FAM20A: variants seen among roughly 807,000 people sequenced by gnomAD.
FAM20A encodes the protein pseudokinase FAM20A.
In FAM20A, 42 loss-of-function variants were observed where a neutral mutation model predicts 52.0. The ratio of observed to expected loss-of-function variants is 0.81; its 90% CI spans 0.63 to 1.04. FAM20A has a LOEUF of 1.04. Among genes scored for constraint, FAM20A ranks in the 50% least tolerant of loss-of-function variants. FAM20A has a pLI of 0.00. For synonymous variants in FAM20A, 304 were observed against 298.9 expected, an observed-to-expected ratio of 1.02 and a Z score of -0.18; for missense variants, 742 against 712.7, an observed-to-expected ratio of 1.04 and a Z score of -0.47.
Position 68,540,897 on chromosome 17 carries a change from G to A in FAM20A, c.1171C>T (p.Gln391Ter), listed in dbSNP as rs1335180172. 1.2e-6 allele frequency: 2 copies of A among 1,605,530 alleles called. No individual in the cohort carries two copies. Among genetic ancestry groups the A allele is most frequent in the Non-Finnish European group, 1.7e-6 (2 of 1,176,218 alleles). Residue 391 changes from glutamine (Q) to a stop codon, truncating the protein, a stop_gained, in exon 8 of 11, where the codon CAG becomes TAG. Coordinates refer to ENST00000592554, the MANE Select transcript of FAM20A (RefSeq NM_017565.4). LOFTEE classifies it high-confidence loss of function. ...ATGTCGATGACATTGAGGAGCCGCTGGCTGTTGTTGTACGGGTAGATCTGT... is the reference window on the plus strand; with the variant it reads ...ATGTCGATGACATTGAGGAGCCGCTAGCTGTTGTTGTACGGGTAGATCTGT... ...VKQIYPYNNS[Q>*]RLLNVIDMAI... is the part of the protein sequence containing the mutation.
At chr17:68,567,927 C>T (rs1159324143) in intron 1 of FAM20A, among the ~76,000 whole-genome samples, 1 of 151,960 alleles carries the variant, frequency 6.6e-6, no homozygotes, top group African/African-American at 2.4e-5. Flanking sequence ...GCTTCTCCTT[C>T]ACCTCCCGCC....
At chr17:68,564,136 T>C (rs2087304244) in intron 1 of FAM20A, among the ~76,000 whole-genome samples, 3 of 128,654 alleles carry the variant, frequency 2.3e-5, no homozygotes, top group Admixed American at 7.3e-5. Context: ...CGATGTCTCA[T>C]GTGATCCTGC....
chr17:68,599,884 C>T (rs1250507716), intron 1 of FAM20A, among the ~76,000 whole-genome samples: 1 of 152,186 alleles, frequency 6.6e-6, no homozygotes, highest in Admixed American at 6.5e-5. Flanking sequence ...AACCCGAAGT[C>T]CAGCGGCAGC....
chr17:68,560,035 C>T (rs1249540642), intron 1 of FAM20A, among the ~76,000 whole-genome samples: 1 of 152,082 alleles, frequency 6.6e-6, no homozygotes, highest in Non-Finnish European at 1.5e-5. Context: ...GGAAGTGGGG[C>T]CTTTGGGAGG....
At chr17:68,575,167 C>T (rs1377147892) in intron 1 of FAM20A, 1 of 151,860 alleles carries the variant, frequency 6.6e-6, no homozygotes. Flanking sequence ...TGAGCTTGGA[C>T]TTCTGGCCTC....
chr17:68,555,097 A>T (rs112370710), intron 2 of FAM20A, among the ~76,000 whole-genome samples: 3 of 152,162 alleles, frequency 2.0e-5, no homozygotes, highest in African/African-American at 7.2e-5. Context: ...CTCTGCTAAT[A>T]ATTTGCTGTG....
chr17:68,543,625 C>G lies in FAM20A; in HGVS notation c.812+4G>C, dbSNP rs1452276380. 5 of 1,613,826 alleles carry G rather than the reference C, an allele frequency of 3.1e-6. No homozygotes were observed. The Admixed American group carries it at 8.3e-5, about 27-fold the overall frequency. On this transcript the variant is annotated splice_donor_region_variant and intron_variant, in intron 5 of 10. Transcript: ENST00000592554. ...AATGCCATCTCCATGGGGCCAGACC[C>G]TACCTGTCCAGATGGAAAGCTGCGA...
chr17:68,540,649 T>G, intron 8 of FAM20A, 200 bp downstream of exon 8: 1 of 709,676 alleles, frequency 1.4e-6, no homozygotes, highest in Non-Finnish European at 2.5e-6. Flanking sequence ...GACGACCCCT[T>G]GAGCTTCTTC....
In FAM20A at chr17:68,535,454, C is replaced by T; in HGVS notation, c.*2023G>A. The stretch of plus-strand genomic sequence containing the variant: ...TTTCCTGAGAGTCTTATTTGGAAGT[C>T]CCAAACCATTTTGTGCTATTCTTTG... On this transcript the variant is annotated 3_prime_UTR_variant, in exon 11 of 11. Coordinates refer to ENST00000592554, the MANE Select transcript of FAM20A (RefSeq NM_017565.4). 2.2e-6 allele frequency: 1 copy of T among 453,978 alleles called. No homozygotes were observed. Among genetic ancestry groups the T allele is most frequent in the Non-Finnish European group, 4.4e-6 (1 of 226,762 alleles). 28.1% of individuals were successfully genotyped at this position (453,978 alleles called of 1,614,324 possible).
chr17:68,553,391 A>C (rs1198316814), intron 3 of FAM20A, among the ~76,000 whole-genome samples: 1 of 152,252 alleles, frequency 6.6e-6, no homozygotes, highest in East Asian at 1.9e-4. Flanking sequence ...GTAAAAATGG[A>C]CTAATACATT....
rs35495396 is a variant in FAM20A, at chr17:68,554,746, G to A, written c.640+31C>T. 0.17 allele frequency: 270,703 copies of A among 1,606,772 alleles called. 23,640 individuals are homozygous for A. Among genetic ancestry groups the A allele is most frequent in the South Asian group, 0.19 (17,242 of 90,686 alleles). ...GTTTGCACAGCTGTGAGGGTGAAGA[G>A]GCTGGGTGGGGGTGGGGCTAGGTCA... On this transcript the variant is annotated intron_variant, in intron 3 of 10. Coordinates refer to ENST00000592554, the MANE Select transcript of FAM20A (RefSeq NM_017565.4).
chr17:68,560,352 A>G (rs2087177111), intron 1 of FAM20A, among the ~76,000 whole-genome samples: 1 of 151,978 alleles, frequency 6.6e-6, no homozygotes, highest in Non-Finnish European at 1.5e-5. Context: ...TCAAAAAAAA[A>G]AAAAAAAAGA....
rs2088575446 is a variant in FAM20A at position 68,600,231 on chromosome 17, C to G, written c.404+32G>C. On this transcript the variant is annotated intron_variant, in intron 1 of 10. Coordinates refer to ENST00000592554, the MANE Select transcript of FAM20A (RefSeq NM_017565.4). This position sits in a 1 kb window ranked among gnomAD's most constrained non-coding sequence, Gnocchi z 6.2. Reference sequence around the variant, plus strand: ...CGCGGGGAGGCCCCGGCCAGAGCGCCCGCTCTCCCGCGTCCCGGGCGGGGT... The same window carrying G: ...CGCGGGGAGGCCCCGGCCAGAGCGCGCGCTCTCCCGCGTCCCGGGCGGGGT... 1.9e-6 allele frequency: 3 copies of G among 1,548,224 alleles called. No homozygotes were observed. The East Asian group carries it at 7.3e-5, about 38-fold the overall frequency.
chr17:68,578,561 G>A (rs936976445), intron 1 of FAM20A, among the ~76,000 whole-genome samples: 1 of 151,960 alleles, frequency 6.6e-6, no homozygotes, highest in Admixed American at 6.6e-5. Flanking sequence ...TTGTTCTTCC[G>A]GAATTTTACC....
rs114058929 is a variant in FAM20A, at chr17:68,566,529, A to G, written c.405-10786T>C. On this transcript the variant is annotated intron_variant, in intron 1 of 10. Coordinates refer to ENST00000592554, the MANE Select transcript of FAM20A (RefSeq NM_017565.4). ...TTCGCTCCAAGTTGTGTACAAAGAA[A>G]ACTTTCTAAATAAAGGAACTCCCCA... is the stretch of plus-strand genomic sequence containing the variant. Among the ~76,000 whole-genome samples, 1,124 of 152,302 alleles carry G rather than the reference A, an allele frequency of 7.4e-3. 13 individuals are homozygous for G. Among genetic ancestry groups the G allele is most frequent in the African/African-American group, 0.026 (1,080 of 41,550 alleles).
chr17:68,536,368 C>T lies in FAM20A; in HGVS notation c.*1109G>A, dbSNP rs775538353. The T allele has an allele frequency of 2.9e-5, 13 of 453,862 alleles. No homozygotes were observed. Among genetic ancestry groups the T allele is most frequent in the Admixed American group, 9.4e-5 (4 of 42,542 alleles). The allele number at this position is 453,862 out of a possible 1,614,324, so 28.1% of individuals were successfully genotyped here. ...AAGACCTTACTGTCCTTTGTGTTTT[C>T]GGTCATTAATTATGGAATAAGAAAC... is the stretch of plus-strand genomic sequence containing the variant. On this transcript the variant is annotated 3_prime_UTR_variant, in exon 11 of 11. Coordinates refer to ENST00000592554, the MANE Select transcript of FAM20A (RefSeq NM_017565.4).
intron 7 of FAM20A, 170 bp from the exon 8 acceptor site, chr17:68,541,128 T>G (rs988741175): frequency 1.1e-5 from 10 of 913,496 alleles, no homozygotes; most frequent in Non-Finnish European, 1.6e-5. Context: ...TAAGGCTGCA[T>G]ATTCCGTGTG....
rs930531234 is a variant in FAM20A, at chr17:68,600,302, G to A, written c.365C>T (p.Ala122Val). The change falls in exon 1 of 11, where the codon GCG becomes GTG. Residue 122 changes from alanine (A) to valine (V), a missense_variant. Ala to Val is a moderately conservative substitution (Grantham distance 64). Coordinates refer to ENST00000592554, the MANE Select transcript of FAM20A (RefSeq NM_017565.4). The surrounding 1 kb of genome is among the most constrained non-coding windows in gnomAD (Gnocchi z 6.2). ...AEDSLLASQE[A>V]LRYYRRKVAR... is the part of the protein sequence containing the mutation. ...CACCTTCCTCCGGTAATACCGCAGC[G>A]CCTCCTGGCTGGCCAGGAGCGAGTC... 5.1e-6 allele frequency: 8 copies of A among 1,582,328 alleles called. No homozygotes were observed. In the Admixed American group the frequency reaches 1.4e-4, roughly 28 times the overall value.
intron 1 of FAM20A, among the ~76,000 whole-genome samples, chr17:68,596,276 T>C (rs979281807): frequency 2.0e-5 from 3 of 152,114 alleles, no homozygotes; most frequent in African/African-American, 7.2e-5. Flanking sequence ...TCCTGACATC[T>C]GAGGAAGATG....
Sources: gnomAD v4.1 joint callset for allele counts (sites outside exome capture counted in the v4.1 genomes callset) on GRCh38, gnomAD v4.1.1 for gene constraint, Gnocchi (gnomAD v3.1) non-coding constraint, MANE v1.5 for transcripts, NCBI Gene and HGNC (gene_info 2026-07-23, HGNC 2026-07-21) for gene names.